Variants in ATP2B2 observed in about 807,000 individuals in gnomAD.
ATP2B2 encodes the protein plasma membrane calcium-transporting ATPase 2.
Under a neutral mutation model 120.0 loss-of-function variants are expected in ATP2B2, and 15 were observed. That is an observed-to-expected ratio of 0.12 (90% CI 0.08 to 0.19). ATP2B2 has a LOEUF of 0.19. Ranked by LOEUF, ATP2B2 falls within the 10% of genes least tolerant of loss-of-function variation. The pLI, the probability that ATP2B2 is intolerant of heterozygous loss-of-function variation, is 1.00. For synonymous variants in ATP2B2, 694 were observed against 700.3 expected (o/e 0.99, Z 0.14); for missense variants, 1,045 against 1,719.8 (o/e 0.61, Z 6.94).
At chr3:10,405,131 G>T (rs2062364912) in intron 3 of ATP2B2, among the ~76,000 whole-genome samples, 1 of 152,134 alleles carries the variant, frequency 6.6e-6, no homozygotes. Flanking sequence ...CTGTGAAGTG[G>T]GATAACCCAA....
At chr3:10,646,606 C>G (rs1349418659) in intron 1 of ATP2B2, among the ~76,000 whole-genome samples, 2 of 152,140 alleles carry the variant, frequency 1.3e-5, no homozygotes, top group African/African-American at 4.8e-5. Context: ...CTCTTTACCC[C>G]CAAAGCCCCT....
intron 5 of ATP2B2, 129 bp downstream of exon 5, chr3:10,400,824 G>T: frequency 1.4e-6 from 2 of 1,420,236 alleles, no homozygotes; most frequent in Non-Finnish European, 1.9e-6. Flanking sequence ...CTCACTTGGG[G>T]CTGAGCTGGC....
intron 2 of ATP2B2, among the ~76,000 whole-genome samples, chr3:10,584,435 A>G (rs1037399614): frequency 6.6e-6 from 1 of 152,064 alleles, no homozygotes; most frequent in Non-Finnish European, 1.5e-5. Context: ...CCACACAACC[A>G]TGGAGGCTCT....
chr3:10,565,874 A>C (rs556341495), intron 2 of ATP2B2, among the ~76,000 whole-genome samples: 202 of 152,190 alleles, frequency 1.3e-3, no homozygotes, highest in African/African-American at 4.4e-3. Context: ...CAAGCGAATA[A>C]AACTCTCTGT....
At chr3:10,499,291 C>A (rs892128001) in intron 1 of ATP2B2, among the ~76,000 whole-genome samples, 3 of 152,196 alleles carry the variant, frequency 2.0e-5, no homozygotes, top group African/African-American at 7.2e-5. Flanking sequence ...CTGGACCACA[C>A]CCGGGCCAAG....
chr3:10,482,419 C>G (rs1011347712), intron 1 of ATP2B2, among the ~76,000 whole-genome samples: 2 of 152,216 alleles, frequency 1.3e-5, no homozygotes, highest in Non-Finnish European at 1.5e-5. Flanking sequence ...GATCCTGGGC[C>G]CCTGCTGCCT....
Position 10,655,994 on chromosome 3 carries a change from G to A in ATP2B2, c.-459-36033C>T, listed in dbSNP as rs192185235. ...TCTTGGAGAACATAGCTGAGAGAGC[G>A]GGGAAAACAATCCCTGGATTGATGA... is the stretch of plus-strand genomic sequence containing the variant. On this transcript the variant is annotated intron_variant, in intron 1 of 21. Coordinates refer to the ATP2B2 transcript ENST00000646379. Among the ~76,000 whole-genome samples, 12 of 152,316 alleles carry A rather than the reference G, an allele frequency of 7.9e-5. 1 individual carries two copies. Among genetic ancestry groups the A allele is most frequent in the East Asian group, 3.9e-4 (2 of 5,190 alleles).
chr3:10,414,022 T>A (rs910473330), intron 2 of ATP2B2, among the ~76,000 whole-genome samples: 1 of 152,140 alleles, frequency 6.6e-6, no homozygotes, highest in Admixed American at 6.5e-5. Context: ...AATGGGAGTG[T>A]TCAATAAGAT....
chr3:10,509,531 C>G (rs2066717569), upstream of ATP2B2, among the ~76,000 whole-genome samples: 3 of 152,216 alleles, frequency 2.0e-5, no homozygotes, highest in South Asian at 6.2e-4. Flanking sequence ...ACCACAGGGC[C>G]TTACGTGAAA....
chr3:10,514,664 T>C (rs144699225), intron 3 of ATP2B2, among the ~76,000 whole-genome samples: 438 of 152,326 alleles, frequency 2.9e-3, no homozygotes, highest in African/African-American at 0.01. Context: ...CAGGGCCGCC[T>C]GTTAGCCCCA....
At chr3:10,532,955 A>G (rs1402738723) in intron 3 of ATP2B2, among the ~76,000 whole-genome samples, 2 of 152,318 alleles carry the variant, frequency 1.3e-5, no homozygotes, top group South Asian at 2.1e-4. Context: ...AAAAGGGCTA[A>G]TGGCGGCTAC....
chr3:10,535,832 T>C (rs1214514386), intron 2 of ATP2B2, among the ~76,000 whole-genome samples: 3 of 152,238 alleles, frequency 2.0e-5, no homozygotes, highest in Non-Finnish European at 2.9e-5. Context: ...TAAGGTTTTT[T>C]GTGTGAACAA....
chr3:10,440,785 C>T (rs1459156863), intron 2 of ATP2B2, among the ~76,000 whole-genome samples: 1 of 152,130 alleles, frequency 6.6e-6, no homozygotes, highest in South Asian at 2.1e-4. Context: ...GTCATGTGTG[C>T]ACATTTGGGA....
At chr3:10,667,227 T>A (rs1370263893) in intron 1 of ATP2B2, among the ~76,000 whole-genome samples, 1 of 152,168 alleles carries the variant, frequency 6.6e-6, no homozygotes. Context: ...TTAGGCATTC[T>A]CCCTATTTTA....
At chr3:10,508,048 C>T (rs961874189), upstream of ATP2B2, among the ~76,000 whole-genome samples, 6 of 152,152 alleles carry the variant, frequency 3.9e-5, no homozygotes, top group African/African-American at 1.4e-4. Flanking sequence ...CACCAACGCA[C>T]ACTAGCAGCC....
intron 12 of ATP2B2, among the ~76,000 whole-genome samples, chr3:10,360,731 G>T (rs892504773): frequency 6.6e-6 from 1 of 152,204 alleles, no homozygotes; most frequent in South Asian, 2.1e-4. Context: ...AGATGCTGAC[G>T]CAAGGAAGCC....
At chr3:10,581,473 C>T (rs750366899) in intron 2 of ATP2B2, among the ~76,000 whole-genome samples, 25 of 152,144 alleles carry the variant, frequency 1.6e-4, no homozygotes, top group African/African-American at 3.6e-4. Flanking sequence ...AGCCGGGGAG[C>T]GCTGGCCCAC....
intron 2 of ATP2B2, among the ~76,000 whole-genome samples, chr3:10,442,805 C>G (rs1446475138): frequency 6.6e-6 from 1 of 152,206 alleles, no homozygotes; most frequent in African/African-American, 2.4e-5. Flanking sequence ...AGAATAATAA[C>G]AGTAATGCTG....
chr3:10,346,144 G>T lies in ATP2B2; in HGVS notation c.2405-7C>A. 6.2e-7 allele frequency: 1 copy of T among 1,609,100 alleles called. No individual in the cohort carries two copies. The stretch of plus-strand genomic sequence containing the variant: ...TGTGTGCTGTCGATGATGCCTGTTG[G>T]GGCAGGAGTGTGCTCAGGCCCTGGG... On this transcript the variant is annotated splice_polypyrimidine_tract_variant and splice_region_variant and intron_variant, in intron 16 of 22. Coordinates refer to ENST00000360273, the MANE Select transcript of ATP2B2 (RefSeq NM_001001331.4). The surrounding 1 kb of genome is among the most constrained non-coding windows in gnomAD (Gnocchi z 4.1).
Sources: allele counts gnomAD v4.1 joint callset (sites outside exome capture counted in the v4.1 genomes callset), GRCh38; gene constraint gnomAD v4.1.1; non-coding constraint Gnocchi (gnomAD v3.1); transcripts MANE v1.5; gene names NCBI Gene and HGNC (gene_info 2026-07-23, HGNC 2026-07-21).